Variants in BLTP1 observed in about 807,000 individuals in gnomAD.
The protein encoded by BLTP1 is fragile site-associated protein.
chr4:122,201,530 T>C, the BLTP1 span, among the ~76,000 whole-genome samples: 2 of 152,206 alleles, frequency 1.3e-5, no homozygotes, highest in African/African-American at 4.8e-5. Context: ...TTTTTATACT[T>C]GGAGCCCTTA....
the BLTP1 span, among the ~76,000 whole-genome samples, chr4:122,338,066 C>T: frequency 1.3e-5 from 2 of 151,840 alleles, no homozygotes; most frequent in Admixed American, 1.3e-4. Flanking sequence ...AGTAATGTGG[C>T]CAAAAGAGCT....
the BLTP1 span, among the ~76,000 whole-genome samples, chr4:122,202,892 A>AT: frequency 1.3e-5 from 2 of 151,872 alleles, no homozygotes; most frequent in Admixed American, 6.6e-5. Context: ...TCTTTTGGTT[A>AT]TTTTTTTAAT....
At chr4:122,270,987 A>C in the BLTP1 span, 1 of 1,537,646 alleles carries the variant, frequency 6.5e-7, no homozygotes, top group Admixed American at 2.2e-5. Context: ...TGGAAGAAAA[A>C]CCGTGTCCTT....
At chr4:122,183,069 C>G in the BLTP1 span, 2 of 966,898 alleles carry the variant, frequency 2.1e-6, no homozygotes, top group Non-Finnish European at 2.5e-6. Flanking sequence ...GTTGCAGTAG[C>G]TCACACTGGT....
chr4:122,231,014 T>C, the BLTP1 span, among the ~76,000 whole-genome samples: 2 of 152,194 alleles, frequency 1.3e-5, no homozygotes, highest in Non-Finnish European at 2.9e-5. Context: ...AAACAAATGA[T>C]AATACATTAC....
At chr4:122,238,347 C>A in the BLTP1 span, 2 of 1,612,782 alleles carry the variant, frequency 1.2e-6, no homozygotes, top group Admixed American at 3.3e-5. Flanking sequence ...GATGGCCAAG[C>A]AAGGTCAGTA....
At chr4:122,244,218 G>C in the BLTP1 span, 1 of 294,862 alleles carries the variant, frequency 3.4e-6, no homozygotes, top group Non-Finnish European at 5.0e-6. Flanking sequence ...AGAGGTCTGT[G>C]TTTCAGTTAT....
At chr4:122,204,856 T>A in the BLTP1 span, 1 of 877,906 alleles carries the variant, frequency 1.1e-6, no homozygotes, top group Non-Finnish European at 1.4e-6. Flanking sequence ...TTATGTAAAG[T>A]GTGATGAATC....
At chr4:122,223,518 C>T in the BLTP1 span, among the ~76,000 whole-genome samples, 1 of 152,004 alleles carries the variant, frequency 6.6e-6, no homozygotes, top group Non-Finnish European at 1.5e-5. Context: ...ATTAATGAAC[C>T]TGGGGGAGAA....
chr4:122,162,059 T>C, the BLTP1 span, among the ~76,000 whole-genome samples: 1 of 152,312 alleles, frequency 6.6e-6, no homozygotes, highest in Non-Finnish European at 1.5e-5. Context: ...TTATTTAGCA[T>C]TTTCTATATT....
the BLTP1 span, chr4:122,215,416 G>A: frequency 1.0e-6 from 1 of 985,292 alleles, no homozygotes; most frequent in Non-Finnish European, 1.2e-6. Context: ...AATGAGTGCT[G>A]GTAACTGTTT....
At chr4:122,319,785 C>T in the BLTP1 span, among the ~76,000 whole-genome samples, 26 of 152,020 alleles carry the variant, frequency 1.7e-4, no homozygotes, top group African/African-American at 4.6e-4. Flanking sequence ...GTGATCCACC[C>T]GCCTTGGCCT....
chr4:122,242,599 T>C, the BLTP1 span, among the ~76,000 whole-genome samples: 1 of 152,196 alleles, frequency 6.6e-6, no homozygotes, highest in Non-Finnish European at 1.5e-5. Flanking sequence ...TTGTTATCAT[T>C]TATGGATATA....
At chr4:122,242,977 C>T in the BLTP1 span, 1 of 1,365,324 alleles carries the variant, frequency 7.3e-7, no homozygotes, top group Non-Finnish European at 1.0e-6. Context: ...AAAATCTAGA[C>T]TATAGTATTT....
chr4:122,347,889 T>C, the BLTP1 span: 17 of 691,594 alleles, frequency 2.5e-5, no homozygotes, highest in African/African-American at 3.2e-4. Context: ...TTGAGGTTTT[T>C]ATGACACGTC....
the BLTP1 span, chr4:122,361,954 T>C: frequency 6.6e-7 from 1 of 1,521,082 alleles, no homozygotes; most frequent in Non-Finnish European, 8.8e-7. Flanking sequence ...AGAGGCTTAG[T>C]GATGTTCTTT....
At chr4:122,244,626 A>G in the BLTP1 span, 9 of 983,508 alleles carry the variant, frequency 9.2e-6, no homozygotes, top group African/African-American at 7.0e-5. Flanking sequence ...AGCGGTTGGG[A>G]AGAGAAAAGG....
chr4:122,311,982 A>T, the BLTP1 span, among the ~76,000 whole-genome samples: 1 of 152,184 alleles, frequency 6.6e-6, no homozygotes, highest in African/African-American at 2.4e-5. Flanking sequence ...ATTCCTTATT[A>T]ATTCATCGTG....
the BLTP1 span, chr4:122,301,453 C>T: frequency 1.0e-6 from 1 of 979,354 alleles, no homozygotes; most frequent in Non-Finnish European, 1.5e-6. Context: ...TTAATATATG[C>T]TTGTTATAGA....
Sources: gnomAD v4.1 joint callset for allele counts (sites outside exome capture counted in the v4.1 genomes callset) on GRCh38, gnomAD v4.1.1 for gene constraint, MANE v1.5 for transcripts, NCBI Gene and HGNC (gene_info 2026-07-23, HGNC 2026-07-21) for gene names.